Variants in PARD3 observed in about 807,000 individuals in gnomAD.
PARD3 encodes par-3 family cell polarity regulator, also known as partitioning defective 3 homolog.
Under a neutral mutation model 155.4 loss-of-function variants are expected in PARD3, and 75 were observed. The ratio of observed to expected loss-of-function variants is 0.48; its 90% CI spans 0.40 to 0.58. The LOEUF is 0.58. PARD3 is among the 20% of genes least tolerant of loss of function. The pLI, the probability that PARD3 is intolerant of heterozygous loss-of-function variation, is 0.00. For synonymous variants in PARD3, 576 were observed against 610.5 expected (o/e 0.94, Z 0.83); for missense variants, 1,642 against 1,721.7 (o/e 0.95, Z 0.82).
In PARD3 at chr10:34,445,109, C is replaced by A. The variant is rs544961607; in HGVS notation, c.714+5208G>T. The stretch of plus-strand genomic sequence containing the variant: ...TATTTTTTCATGTACATGATGCAAT[C>A]CTCTTTATTATATGTTTAATAGCAA... On this transcript the variant is annotated intron_variant, in intron 5 of 24. Coordinates refer to ENST00000374788, the MANE Select transcript of PARD3 (RefSeq NM_001184785.2). Among the ~76,000 whole-genome samples the A allele has an allele frequency of 2.0e-5, 3 of 152,042 alleles. No homozygotes were observed. In the East Asian group the frequency reaches 5.8e-4, roughly 29 times the overall value.
chr10:34,360,290 A>G, intron 12 of PARD3, 31 bp from the exon 13 acceptor site: 1 of 1,488,722 alleles, frequency 6.7e-7, no homozygotes, highest in African/African-American at 1.4e-5. Flanking sequence ...ACAGCACATT[A>G]TAGTCCAATG....
intron 22 of PARD3, among the ~76,000 whole-genome samples, chr10:34,148,646 C>T (rs376566872): frequency 1.3e-5 from 2 of 152,232 alleles, no homozygotes; most frequent in East Asian, 3.9e-4. Context: ...TGGCATCATA[C>T]AGAACATTTA....
rs1417758094 is a variant in PARD3, at chr10:34,785,756, T to G, written c.120+29120A>C. 2.0e-5 allele frequency among the ~76,000 whole-genome samples: 3 copies of G among 152,144 alleles called. No individual in the cohort carries two copies. The South Asian group carries it at 6.2e-4, about 32-fold the overall frequency. On this transcript the variant is annotated intron_variant, in intron 1 of 24. Transcript: ENST00000374788. Reference sequence around the variant, plus strand: ...GCTCATGTGAAGGTCTTATAAGACATGGGCGGACCGTGTGGACAGAGAGAA... The same window carrying G: ...GCTCATGTGAAGGTCTTATAAGACAGGGGCGGACCGTGTGGACAGAGAGAA...
chr10:34,203,171 CAA>C (rs1491245162), intron 22 of PARD3, among the ~76,000 whole-genome samples: 11 of 152,016 alleles, frequency 7.2e-5, no homozygotes, highest in African/African-American at 1.9e-4. Flanking sequence ...GGGTACACTG[CAA>C]GAGAGAGAGA....
intron 22 of PARD3, among the ~76,000 whole-genome samples, chr10:34,164,618 C>T (rs1027726352): frequency 6.6e-6 from 1 of 152,166 alleles, no homozygotes; most frequent in Admixed American, 6.5e-5. Context: ...TCTTTTTCTG[C>T]TTTGAGAAAC....
At chr10:34,796,207 A>G (rs774267135) in intron 1 of PARD3, among the ~76,000 whole-genome samples, 1 of 152,058 alleles carries the variant, frequency 6.6e-6, no homozygotes, top group Non-Finnish European at 1.5e-5. Flanking sequence ...TGAGCCCAAC[A>G]TTCTAGTTAG....
At chr10:34,595,895 C>G (rs373353165) in intron 2 of PARD3, among the ~76,000 whole-genome samples, 1 of 152,010 alleles carries the variant, frequency 6.6e-6, no homozygotes, top group Non-Finnish European at 1.5e-5. Context: ...GGGAGGCCAA[C>G]GTGGGAGGAT....
At chr10:34,558,967 G>GTAAA (rs912291668) in intron 2 of PARD3, among the ~76,000 whole-genome samples, 11 of 150,458 alleles carry the variant, frequency 7.3e-5, no homozygotes, top group South Asian at 4.2e-4. Context: ...AAGTAAGTAA[G>GTAAA]TAAATAAATA....
chr10:34,655,527 T>C (rs1189865606), intron 2 of PARD3, among the ~76,000 whole-genome samples: 2 of 152,176 alleles, frequency 1.3e-5, no homozygotes, highest in Non-Finnish European at 2.9e-5. Flanking sequence ...ACACGATTCA[T>C]ACTCCAAAAC....
intron 2 of PARD3, among the ~76,000 whole-genome samples, chr10:34,596,886 G>A (rs1271880398): frequency 6.6e-6 from 1 of 152,224 alleles, no homozygotes; most frequent in South Asian, 2.1e-4. Context: ...CTGCTAAGGA[G>A]AGTGGGGATT....
chr10:34,266,971 C>G (rs1043679251), intron 22 of PARD3, among the ~76,000 whole-genome samples: 1 of 152,162 alleles, frequency 6.6e-6, no homozygotes, highest in Non-Finnish European at 1.5e-5. Flanking sequence ...CAGAACCCAT[C>G]TGACTCCTGG....
At chr10:34,790,496 T>C (rs969567659) in intron 1 of PARD3, among the ~76,000 whole-genome samples, 3 of 152,118 alleles carry the variant, frequency 2.0e-5, no homozygotes, top group Non-Finnish European at 4.4e-5. Context: ...AATCCTCCTA[T>C]CCTTAGGATG....
chr10:34,482,522 G>A (rs1003018241), intron 3 of PARD3, among the ~76,000 whole-genome samples: 1 of 151,948 alleles, frequency 6.6e-6, no homozygotes, highest in Non-Finnish European at 1.5e-5. Flanking sequence ...ACTCCCCAGC[G>A]ACTGGCTCAG....
intron 2 of PARD3, among the ~76,000 whole-genome samples, chr10:34,520,552 T>C (rs1314771978): frequency 6.6e-6 from 1 of 152,168 alleles, no homozygotes; most frequent in Admixed American, 6.6e-5. Flanking sequence ...GACATTCCAC[T>C]AGATTAGGGG....
chr10:34,501,780 A>C (rs141863400), intron 3 of PARD3, among the ~76,000 whole-genome samples: 2 of 151,780 alleles, frequency 1.3e-5, no homozygotes, highest in Non-Finnish European at 2.9e-5. Flanking sequence ...AGAACCTGCC[A>C]TGTTACCTTA....
At chr10:34,602,064 C>T (rs1405484511) in intron 2 of PARD3, among the ~76,000 whole-genome samples, 1 of 152,094 alleles carries the variant, frequency 6.6e-6, no homozygotes, top group Non-Finnish European at 1.5e-5. Flanking sequence ...TGTACTTTGT[C>T]GAACTATAAG....
rs79141526 is a variant in PARD3 at position 34,724,182 on chromosome 10, T to C, written c.121-27763A>G. ...TAAGCATGTAATCCTGAAGATTCTA[T>C]GAAATGCATCCCATATTGTTTAATT... On this transcript the variant is annotated intron_variant, in intron 1 of 24. Transcript: ENST00000374788. 1.8e-3 allele frequency among the ~76,000 whole-genome samples: 279 copies of C among 152,358 alleles called. 1 individual carries two copies. The highest frequency in any genetic ancestry group is 3.1e-3 in the Non-Finnish European group (213 of 68,034).
At chr10:34,227,856 T>TTTTATATA (rs1554814033) in intron 22 of PARD3, among the ~76,000 whole-genome samples, 2 of 82,278 alleles carry the variant, frequency 2.4e-5, no homozygotes, top group Non-Finnish European at 4.7e-5. Flanking sequence ...GAATTATTTT[T>TTTTATATA]TATATATATA....
At chr10:34,637,335 T>C (rs541324902) in intron 2 of PARD3, among the ~76,000 whole-genome samples, 18 of 152,236 alleles carry the variant, frequency 1.2e-4, no homozygotes, top group African/African-American at 4.3e-4. Context: ...ATTCAAGGGA[T>C]GAAAGAAAAA....
Sources: gnomAD v4.1 joint callset for allele counts (sites outside exome capture counted in the v4.1 genomes callset) on GRCh38, gnomAD v4.1.1 for gene constraint, MANE v1.5 for transcripts, NCBI Gene and HGNC (gene_info 2026-07-23, HGNC 2026-07-21) for gene names.